Variants in PRRC2B observed in about 807,000 individuals in gnomAD.
The protein encoded by PRRC2B is protein PRRC2B.
PRRC2B carries 68 observed loss-of-function variants against 242.3 expected under a neutral mutation model. That is an observed-to-expected ratio of 0.28 (90% CI 0.23 to 0.34). PRRC2B has a LOEUF of 0.34. PRRC2B is among the 10% of genes least tolerant of loss of function. The pLI is 1.00. For missense variants in PRRC2B, 2,835 were observed against 2,954.8 expected (o/e 0.96, Z 0.94); for synonymous variants, 1,228 against 1,173.6 (o/e 1.05, Z -0.95).
chr9:131,494,859 C>T lies in PRRC2B; in HGVS notation c.6555+373C>T, dbSNP rs1423866707. On this transcript the variant is annotated intron_variant, in intron 31 of 31. Transcript: ENST00000683519. The surrounding 1 kb of genome is among the most constrained non-coding windows in gnomAD (Gnocchi z 4.3). ...GCGCTGGTTCTAGTCAGTGGTGTGTCTCATCTTTGTCTTGGCTGGGTGGGA... is the reference window on the plus strand; with the variant it reads ...GCGCTGGTTCTAGTCAGTGGTGTGTTTCATCTTTGTCTTGGCTGGGTGGGA... Among the ~76,000 whole-genome samples, 2 of 152,132 alleles carry T rather than the reference C, an allele frequency of 1.3e-5. No individual in the cohort carries two copies. The highest frequency in any genetic ancestry group is 4.8e-5 in the African/African-American group (2 of 41,428).
chr9:131,486,285 C>G, intron 26 of PRRC2B, 103 bp downstream of exon 26: 1 of 916,896 alleles, frequency 1.1e-6, no homozygotes, highest in Non-Finnish European at 1.7e-6. Flanking sequence ...GTCTGGTTTT[C>G]CATCCCCCTC....
intron 2 of PRRC2B, among the ~76,000 whole-genome samples, chr9:131,431,452 A>ATGGGGTTT (rs1482580160): frequency 1.3e-5 from 2 of 151,018 alleles, no homozygotes; most frequent in Non-Finnish European, 3.0e-5. Context: ...TTTAATAGAG[A>ATGGGGTTT]TGGGGTTTCT....
rs2131457107 is a variant in PRRC2B at position 131,479,865 on chromosome 9, T to C, written c.4900+472T>C. On this transcript the variant is annotated intron_variant, in intron 19 of 31. Transcript: ENST00000683519. The stretch of plus-strand genomic sequence containing the variant: ...TGAATGCTCTTCTGGAAAGGCAAAC[T>C]GAGACCAGAAGACGGTATACGTTAC... Among the ~76,000 whole-genome samples the C allele has an allele frequency of 2.0e-5, 3 of 152,310 alleles. No homozygotes were observed. In the East Asian group the frequency reaches 5.8e-4, roughly 29 times the overall value.
At chr9:131,441,272 G>C (rs533075733) in intron 5 of PRRC2B, among the ~76,000 whole-genome samples, 1 of 152,298 alleles carries the variant, frequency 6.6e-6, no homozygotes, top group Admixed American at 6.5e-5. Context: ...GGGGCAAATG[G>C]GCATAGGGGT....
At chr9:131,398,724 A>T (rs1479903813) in intron 1 of PRRC2B, among the ~76,000 whole-genome samples, 1 of 152,182 alleles carries the variant, frequency 6.6e-6, no homozygotes, top group Non-Finnish European at 1.5e-5. Context: ...CATGCCTGTA[A>T]TCCCAGTACT....
intron 1 of PRRC2B, among the ~76,000 whole-genome samples, chr9:131,420,456 T>TCCTTCCTTCCTTC (rs1564278474): frequency 1.1e-4 from 1 of 8,756 alleles, no homozygotes; most frequent in African/African-American, 1.9e-4. Flanking sequence ...TTTTTCTTTT[T>TCCTTCCTTCCTTC]CTTTCTTTCT....
intron 1 of PRRC2B, among the ~76,000 whole-genome samples, chr9:131,380,449 C>T (rs531081763): frequency 6.6e-6 from 1 of 151,338 alleles, no homozygotes; most frequent in East Asian, 2.0e-4. Context: ...CGTGGTGGTG[C>T]GTGCCTGTAA....
intron 1 of PRRC2B, among the ~76,000 whole-genome samples, chr9:131,412,813 T>TG (rs56167848): frequency 5.0e-4 from 76 of 151,228 alleles, no homozygotes; most frequent in African/African-American, 1.8e-3. Context: ...TTTTTTTTTT[T>TG]GAGAAGGAGT....
chr9:131,391,816 C>T, upstream of PRRC2B, among the ~76,000 whole-genome samples: 1 of 151,762 alleles, frequency 6.6e-6, no homozygotes, highest in East Asian at 1.9e-4. Flanking sequence ...TCTTGGCTCA[C>T]TGCAACCTCC....
In PRRC2B at chr9:131,478,628, CGGAGGGTGGGGG is replaced by C. The variant is rs1286430840; in HGVS notation, c.4758+12_4758+23del. Reference sequence around the variant, plus strand: ...AGGAGCAGGCCGTGCAGGTGAGGGGCGGAGGGTGGGGGGGCATGGGGCTGGAGGGCAGGCTGG... The same window carrying C: ...AGGAGCAGGCCGTGCAGGTGAGGGGCGGCATGGGGCTGGAGGGCAGGCTGG... On this transcript the variant is annotated intron_variant, in intron 18 of 31. Coordinates refer to ENST00000683519, the MANE Select transcript of PRRC2B (RefSeq NM_013318.4). 3 of 260,000 alleles carry C rather than the reference CGGAGGGTGGGGG, an allele frequency of 1.2e-5. No homozygotes were observed. Among genetic ancestry groups the C allele is most frequent in the Non-Finnish European group, 1.2e-5 (2 of 166,982 alleles). 16.1% of individuals were successfully genotyped at this position (260,000 alleles called of 1,614,324 possible).
chr9:131,404,586 C>T (rs1837315059), intron 1 of PRRC2B, among the ~76,000 whole-genome samples: 1 of 71,118 alleles, frequency 1.4e-5, no homozygotes, highest in Non-Finnish European at 3.8e-5. Context: ...CTTCCCCACT[C>T]TCTCTGAAAA....
At chr9:131,401,385 CTT>C (rs1320362682) in intron 1 of PRRC2B, among the ~76,000 whole-genome samples, 53 of 138,950 alleles carry the variant, frequency 3.8e-4, no homozygotes, top group Admixed American at 3.6e-4. Flanking sequence ...ATTCTTTCTC[CTT>C]TTTTTTTTTT....
intron 10 of PRRC2B, among the ~76,000 whole-genome samples, chr9:131,458,727 T>TCCTGACCTCAAATGATCAGCCCG (rs1449286985): frequency 1.3e-5 from 2 of 152,184 alleles, no homozygotes; most frequent in African/African-American, 2.4e-5. Context: ...GATCTGGAAC[T>TCCTGACCTCAAATGATCAGCCCG]CCTGACCTCA....
At chr9:131,466,095 G>T (rs1376481338) in intron 12 of PRRC2B, among the ~76,000 whole-genome samples, 3 of 152,226 alleles carry the variant, frequency 2.0e-5, no homozygotes, top group African/African-American at 7.2e-5. Flanking sequence ...CAGTTTTGAA[G>T]AATATAATCA....
chr9:131,500,017 A>G lies in PRRC2B; in HGVS notation c.*4143A>G, dbSNP rs1487338786. The G allele has an allele frequency of 2.0e-5, 3 of 152,148 alleles. No individual in the cohort carries two copies. The highest frequency in any genetic ancestry group is 7.2e-5 in the African/African-American group (3 of 41,424). 9.4% of individuals were successfully genotyped at this position (152,148 alleles called of 1,614,324 possible). A position where few individuals can be genotyped will look rare whatever the true frequency, so the allele number is the denominator to read the frequency against. On this transcript the variant is annotated 3_prime_UTR_variant, in exon 32 of 32. Transcript: ENST00000683519. Reference sequence around the variant, plus strand: ...CAGCTTGTTTATACGGTATTTTGGGAAACTTACCTTGGATGGGAAATCGAA... The same window carrying G: ...CAGCTTGTTTATACGGTATTTTGGGGAACTTACCTTGGATGGGAAATCGAA...
At chr9:131,454,968 C>T in intron 9 of PRRC2B, 108 bp from the exon 10 acceptor site, 1 of 782,920 alleles carries the variant, frequency 1.3e-6, no homozygotes. Flanking sequence ...ATGATCCGCC[C>T]ACCTCAGCCT....
intron 1 of PRRC2B, among the ~76,000 whole-genome samples, chr9:131,420,453 T>TTTTC (rs148112779): frequency 0.013 from 784 of 60,994 alleles, 44 homozygotes; most frequent in Admixed American, 0.019. Context: ...TTCTTTTTCT[T>TTTTC]TTTCTTTCTT....
intron 28 of PRRC2B, among the ~76,000 whole-genome samples, chr9:131,488,942 G>C (rs1166864025): frequency 2.6e-5 from 4 of 152,230 alleles, no homozygotes; most frequent in Admixed American, 2.0e-4. Context: ...CCAGTTCCTA[G>C]TGGTTTTGAT....
Position 131,494,146 on chromosome 9 carries a change from C to T in PRRC2B, c.6474-259C>T, listed in dbSNP as rs1302110685. 2.0e-5 allele frequency among the ~76,000 whole-genome samples: 3 copies of T among 152,140 alleles called. No homozygotes were observed. Among genetic ancestry groups the T allele is most frequent in the Non-Finnish European group, 4.4e-5 (3 of 68,030 alleles). ...CCATCTGTACAGGGCCTCAGCCTCC[C>T]TCTCTTGCGGTGCGTCTCCTTGAGC... On this transcript the variant is annotated intron_variant, in intron 30 of 31. Coordinates refer to ENST00000683519, the MANE Select transcript of PRRC2B (RefSeq NM_013318.4). The surrounding 1 kb of genome is among the most constrained non-coding windows in gnomAD (Gnocchi z 4.3).
Sources: allele counts gnomAD v4.1 joint callset (sites outside exome capture counted in the v4.1 genomes callset), GRCh38; gene constraint gnomAD v4.1.1; non-coding constraint Gnocchi (gnomAD v3.1); transcripts MANE v1.5; gene names NCBI Gene and HGNC (gene_info 2026-07-23, HGNC 2026-07-21).